BNIP5: variants seen among roughly 807,000 people sequenced by gnomAD.
BNIP5 encodes the protein BCL2 interacting protein 5, also known as protein BNIP5.
In BNIP5, 61 loss-of-function variants were observed where a neutral mutation model predicts 67.3. The observed-to-expected ratio is 0.91, with a 90% CI of 0.74 to 1.12. The LOEUF (loss-of-function observed/expected upper bound fraction) is 1.12, where lower values mean the gene tolerates loss of function less well. Ranked by LOEUF, BNIP5 falls within the 50% of genes most tolerant of loss-of-function variation. The pLI is 0.00. For missense variants in BNIP5, 826 were observed against 816.3 expected (o/e 1.01, Z -0.14); for synonymous variants, 317 against 319.0 (o/e 0.99, Z 0.07).
At chr6:36,328,449 C>T (rs1771811503) in intron 3 of BNIP5, 149 bp downstream of exon 3, 3 of 554,938 alleles carry the variant, frequency 5.4e-6, no homozygotes, top group Admixed American at 6.1e-5. Context: ...GCAAACGTGG[C>T]CAGAAGCACC....
chr6:36,323,677 G>A, intron 7 of BNIP5, 144 bp from the exon 8 acceptor site: 1 of 926,070 alleles, frequency 1.1e-6, no homozygotes, highest in Non-Finnish European at 1.6e-6. Flanking sequence ...AATATGTGTG[G>A]TCTGGAGGGG....
chr6:36,331,079 C>T (rs1582136125), intron 1 of BNIP5, among the ~76,000 whole-genome samples: 1 of 152,300 alleles, frequency 6.6e-6, no homozygotes, highest in East Asian at 1.9e-4. Context: ...GCTCCCTCAG[C>T]AGAGGCCTCC....
intron 5 of BNIP5, 62 bp from the exon 6 acceptor site, chr6:36,325,476 G>T: frequency 6.5e-7 from 1 of 1,546,034 alleles, no homozygotes; most frequent in Non-Finnish European, 8.7e-7. Flanking sequence ...ACTATGCACA[G>T]AAGCTAGCAC....
chr6:36,331,584 G>C (rs1771908237), intron 1 of BNIP5, among the ~76,000 whole-genome samples: 1 of 152,156 alleles, frequency 6.6e-6, no homozygotes. Flanking sequence ...CTCACAGGCT[G>C]TCATGAATAT....
chr6:36,323,510 C>A lies in BNIP5; in HGVS notation c.1254G>T (p.Glu418Asp), dbSNP rs370085826. Reference sequence around the variant, plus strand: ...GTGGGGCCGGGTTTTCTACACCCACCTCTTCCTGCTGGACTTGAGGTTGCT... The same window carrying A: ...GTGGGGCCGGGTTTTCTACACCCACATCTTCCTGCTGGACTTGAGGTTGCT... ...GEEQPQVQQE[E>D]VGVENPAPHC... Residue 418 changes from glutamate to aspartate, a missense_variant, in exon 8 of 12, where the codon GAG becomes GAT. Glu to Asp is a conservative substitution (Grantham distance 45). Coordinates refer to ENST00000437635, the MANE Select transcript of BNIP5 (RefSeq NM_001010903.5). The A allele has an allele frequency of 6.2e-7, 1 of 1,614,152 alleles. No homozygotes were observed. The highest frequency in any genetic ancestry group is 8.5e-7 in the Non-Finnish European group (1 of 1,180,038).
chr6:36,325,195 T>C (rs1771732952), intron 6 of BNIP5, 88 bp downstream of exon 6: 7 of 1,446,556 alleles, frequency 4.8e-6, no homozygotes, highest in Non-Finnish European at 6.8e-6. Flanking sequence ...GGTCACTGCC[T>C]CTCTCTGGCT....
chr6:36,335,978 T>C (rs1376723399), intron 1 of BNIP5, among the ~76,000 whole-genome samples: 1 of 152,124 alleles, frequency 6.6e-6, no homozygotes, highest in East Asian at 1.9e-4. Flanking sequence ...TACCATGACC[T>C]ATGCACATGG....
In BNIP5 at chr6:36,320,302, G is replaced by A. The variant is rs1402471428; in HGVS notation, c.1669-692C>T. On this transcript the variant is annotated intron_variant, in intron 10 of 11. Transcript: ENST00000437635. ...GAATGGGAAGGCGGCCCAGGGGGTG[G>A]CAACTGGAGCTTAATCCACTCAGGG... Among the ~76,000 whole-genome samples the A allele has an allele frequency of 5.3e-5, 8 of 152,160 alleles. No homozygotes were observed. In the South Asian group the frequency reaches 1.5e-3, roughly 28 times the overall value.
chr6:36,326,807 G>T (rs1771774317), intron 4 of BNIP5, 54 bp from the exon 5 acceptor site: 5 of 1,606,712 alleles, frequency 3.1e-6, no homozygotes, highest in Non-Finnish European at 4.2e-6. Context: ...GAGGGGGAAA[G>T]CTCTCTGGAG....
At chr6:36,323,075 C>T (rs1771671117) in intron 8 of BNIP5, among the ~76,000 whole-genome samples, 1 of 152,168 alleles carries the variant, frequency 6.6e-6, no homozygotes, top group African/African-American at 2.4e-5. Context: ...GTGCAGTGAG[C>T]AGGGCCTACT....
In BNIP5 at chr6:36,319,337, C is replaced by T; in HGVS notation, c.1923+19G>A. ...GTCACTCATGCTACATTGCCATTGT[C>T]TTCCCCGCCCTCTCTCACCGGCTGG... On this transcript the variant is annotated intron_variant, in intron 11 of 11. Transcript: ENST00000437635. 6.2e-7 allele frequency: 1 copy of T among 1,611,162 alleles called. No homozygotes were observed. The highest frequency in any genetic ancestry group is 8.5e-7 in the Non-Finnish European group (1 of 1,178,248).
intron 9 of BNIP5, 50 bp from the exon 10 acceptor site, chr6:36,321,269 G>T: frequency 7.2e-7 from 1 of 1,385,828 alleles, no homozygotes; most frequent in Non-Finnish European, 1.0e-6. Flanking sequence ...GTGATGCCCA[G>T]TTCCCTTCCA....
chr6:36,326,220 G>A (rs1771757137), intron 5 of BNIP5, among the ~76,000 whole-genome samples: 1 of 152,220 alleles, frequency 6.6e-6, no homozygotes, highest in Non-Finnish European at 1.5e-5. Flanking sequence ...CCCTGCCAGG[G>A]TGCAGAAGTT....
intron 3 of BNIP5, among the ~76,000 whole-genome samples, chr6:36,328,031 T>A (rs541572102): frequency 5.8e-4 from 89 of 152,228 alleles, no homozygotes; most frequent in Non-Finnish European, 1.1e-3. Context: ...AATATGCTCA[T>A]CTTTTTTACA....
rs763151511 is a variant in BNIP5 at position 36,319,647 on chromosome 6, T to C, written c.1669-37A>G. ...AATGAAAACAGGTCATTAGTGTTGC[T>C]GGCAGTACCCCTCCCGCCAACTGCC... On this transcript the variant is annotated intron_variant, in intron 10 of 11. Transcript: ENST00000437635. The C allele has an allele frequency of 4.4e-6, 7 of 1,588,990 alleles. 1 individual carries two copies. In the South Asian group the frequency reaches 5.7e-5, roughly 13 times the overall value.
At position 36,319,661 on chromosome 6, in the gene BNIP5, C is replaced by T. The variant is rs553438211; in HGVS notation, c.1669-51G>A. The stretch of plus-strand genomic sequence containing the variant: ...ATTAGTGTTGCTGGCAGTACCCCTC[C>T]CGCCAACTGCCCCTCCCACAACTCC... On this transcript the variant is annotated intron_variant, in intron 10 of 11. Transcript: ENST00000437635. The T allele has an allele frequency of 2.0e-5, 32 of 1,569,410 alleles. No individual in the cohort carries two copies. The East Asian group carries it at 4.3e-4, about 21-fold the overall frequency.
rs768822277 is a variant in BNIP5, at chr6:36,325,410, C to A, written c.1041G>T (p.Leu347Phe). 3.0e-5 allele frequency: 48 copies of A among 1,609,502 alleles called. No individual in the cohort carries two copies. Among genetic ancestry groups the A allele is most frequent in the Non-Finnish European group, 4.1e-5 (48 of 1,178,282 alleles). ...HRPSISSSYG[L>F]EEPKVQEAPS... is the part of the protein sequence containing the mutation. The stretch of plus-strand genomic sequence containing the variant: ...GGGCCTCCTGGACTTTAGGTTCTTC[C>A]AAGCCTGAGAAGCAGAAGGAGAACG... The change falls in exon 6 of 12, where the codon TTG becomes TTT. Residue 347 changes from leucine (L) to phenylalanine (F), a missense_variant. By Grantham distance (22) the Leu-to-Phe change is conservative. Coordinates refer to ENST00000437635, the MANE Select transcript of BNIP5 (RefSeq NM_001010903.5).
chr6:36,325,016 C>A (rs1341320656), intron 6 of BNIP5, among the ~76,000 whole-genome samples: 2 of 152,116 alleles, frequency 1.3e-5, no homozygotes, highest in African/African-American at 4.8e-5. Context: ...TGGCCGAGCC[C>A]TTGGTGTGGG....
chr6:36,321,621 G>T (rs1367604776), intron 9 of BNIP5, among the ~76,000 whole-genome samples: 2 of 152,188 alleles, frequency 1.3e-5, no homozygotes, highest in Non-Finnish European at 2.9e-5. Flanking sequence ...TGACCCATTA[G>T]GAATGCACCC....
Sources: gnomAD v4.1 joint callset for allele counts (sites outside exome capture counted in the v4.1 genomes callset) on GRCh38, gnomAD v4.1.1 for gene constraint, MANE v1.5 for transcripts, NCBI Gene and HGNC (gene_info 2026-07-23, HGNC 2026-07-21) for gene names.